NTSR1: variants seen among roughly 807,000 people sequenced by gnomAD.
The protein encoded by NTSR1 is neurotensin receptor 1, also known as neurotensin receptor type 1.
NTSR1 carries 29 observed loss-of-function variants against 31.2 expected under a neutral mutation model. That is an observed-to-expected ratio of 0.93 (90% CI 0.69 to 1.27). The LOEUF is 1.27. Among genes scored for constraint, NTSR1 ranks in the 50% most tolerant of loss-of-function variants. NTSR1 has a pLI of 0.00. For synonymous variants in NTSR1, 282 were observed against 269.9 expected (o/e 1.04, Z -0.44); for missense variants, 697 against 595.4 (o/e 1.17, Z -1.78).
intron 1 of NTSR1, among the ~76,000 whole-genome samples, chr20:62,729,869 T>C (rs182640312): frequency 6.6e-6 from 1 of 152,240 alleles, no homozygotes; most frequent in African/African-American, 2.4e-5. Flanking sequence ...GTGATCTGCC[T>C]GCCTCGGCCT....
chr20:62,749,894 C>T (rs1160927845), intron 1 of NTSR1, among the ~76,000 whole-genome samples: 1 of 152,022 alleles, frequency 6.6e-6, no homozygotes, highest in Non-Finnish European at 1.5e-5. Context: ...GATGGGGGCT[C>T]CTCAAAAAAA....
At position 62,758,778 on chromosome 20, in the gene NTSR1, A is replaced by G. The variant is rs568129391; in HGVS notation, c.1007+422A>G. On this transcript the variant is annotated intron_variant, in intron 3 of 3. Coordinates refer to ENST00000370501, the MANE Select transcript of NTSR1 (RefSeq NM_002531.3). The surrounding 1 kb of genome is among the most constrained non-coding windows in gnomAD (Gnocchi z 4.5). ...GTGACTTATCGCAGCAAGAGCACCA[A>G]TACTGACAAAGCTTTGCTTATACAG... Among the ~76,000 whole-genome samples the G allele has an allele frequency of 1.3e-5, 2 of 152,336 alleles. No individual in the cohort carries two copies. Among genetic ancestry groups the G allele is most frequent in the East Asian group, 3.9e-4 (2 of 5,188 alleles).
intron 1 of NTSR1, among the ~76,000 whole-genome samples, chr20:62,751,760 A>C (rs1989397681): frequency 6.6e-6 from 1 of 152,224 alleles, no homozygotes. Context: ...TGGAGGGTGC[A>C]CGGCTCCCCA....
chr20:62,736,080 C>T (rs144709336), intron 1 of NTSR1, among the ~76,000 whole-genome samples: 140 of 152,348 alleles, frequency 9.2e-4, no homozygotes, highest in African/African-American at 3.2e-3. Flanking sequence ...TCACAAAAGC[C>T]GGGGTATTAG....
At chr20:62,730,968 T>G (rs1988992160) in intron 1 of NTSR1, among the ~76,000 whole-genome samples, 1 of 152,260 alleles carries the variant, frequency 6.6e-6, no homozygotes, top group Admixed American at 6.5e-5. Flanking sequence ...TTATATATTT[T>G]GGATAACACT....
chr20:62,735,170 CA>C (rs1280580835), intron 1 of NTSR1: 3 of 152,786 alleles, frequency 2.0e-5, no homozygotes, highest in African/African-American at 7.2e-5. Context: ...GCCGCCAGCT[CA>C]GTGCCAAAAC....
chr20:62,734,637 G>A (rs1396403039), intron 1 of NTSR1, among the ~76,000 whole-genome samples: 1 of 152,240 alleles, frequency 6.6e-6, no homozygotes, highest in Non-Finnish European at 1.5e-5. Context: ...CCTGTCTAAT[G>A]TGGCAGCCCT....
rs976366588 is a variant in NTSR1, at chr20:62,742,488, C to G, written c.715-12197C>G. Among the ~76,000 whole-genome samples the G allele has an allele frequency of 6.7e-6, 1 of 149,454 alleles. No homozygotes were observed. The highest frequency in any genetic ancestry group is 1.5e-5 in the Non-Finnish European group (1 of 68,008). On this transcript the variant is annotated intron_variant, in intron 1 of 3. Transcript: ENST00000370501. This position sits in a 1 kb window ranked among gnomAD's most constrained non-coding sequence, Gnocchi z 7.1. ...TGCTTAGATGCCTGGGAGGGAGGAC[C>G]GAGGAAAGAGACTGGGGACTGAGGG... is the stretch of plus-strand genomic sequence containing the variant.
chr20:62,709,007 G>A lies in NTSR1; in HGVS notation c.-201G>A, dbSNP rs1361326109. On this transcript the variant is annotated 5_prime_UTR_variant, in exon 1 of 4. Transcript: ENST00000370501. Reference sequence around the variant, plus strand: ...AGGAGCCGGAAGCTGGGAGTCCGGAGGAGAGCGGAGCCCGGAGCCCGGAGC... The same window carrying A: ...AGGAGCCGGAAGCTGGGAGTCCGGAAGAGAGCGGAGCCCGGAGCCCGGAGC... 8.7e-6 allele frequency: 4 copies of A among 458,758 alleles called. No individual in the cohort carries two copies. Among genetic ancestry groups the A allele is most frequent in the African/African-American group, 6.4e-5 (3 of 46,936 alleles). 28.4% of individuals were successfully genotyped at this position (458,758 alleles called of 1,614,324 possible). A position where few individuals can be genotyped will look rare whatever the true frequency, so the allele number is the denominator to read the frequency against.
intron 1 of NTSR1, 67 bp from the exon 2 acceptor site, chr20:62,754,618 G>A (rs1356230859): frequency 5.3e-6 from 7 of 1,314,848 alleles, no homozygotes; most frequent in Admixed American, 1.7e-5. Flanking sequence ...AGCACGGCAG[G>A]CATCCCAGCT....
rs1018298702 is a variant in NTSR1, at chr20:62,715,060, A to C, written c.714+5139A>C. On this transcript the variant is annotated intron_variant, in intron 1 of 3. Transcript: ENST00000370501. This position sits in a 1 kb window ranked among gnomAD's most constrained non-coding sequence, Gnocchi z 4.7. ...CTACAGAGGAGACAAGATTGGTCTT[A>C]AGTCTGTAATCATGGAAAGTGAGTG... 6.6e-6 allele frequency among the ~76,000 whole-genome samples: 1 copy of C among 152,196 alleles called. No homozygotes were observed. The highest frequency in any genetic ancestry group is 2.4e-5 in the African/African-American group (1 of 41,442).
chr20:62,719,317 TGTG>T (rs1389756907), intron 1 of NTSR1, among the ~76,000 whole-genome samples: 1 of 152,188 alleles, frequency 6.6e-6, no homozygotes, highest in Non-Finnish European at 1.5e-5. Context: ...AGTCAGTTAA[TGTG>T]GTGAATTATA....
At chr20:62,747,340 G>T (rs1274398297) in intron 1 of NTSR1, among the ~76,000 whole-genome samples, 1 of 112,354 alleles carries the variant, frequency 8.9e-6, no homozygotes, top group Non-Finnish European at 1.8e-5. Context: ...CAGTGTAAAG[G>T]CCACGTATGA....
At chr20:62,749,212 T>C (rs964164678) in intron 1 of NTSR1, among the ~76,000 whole-genome samples, 3 of 152,026 alleles carry the variant, frequency 2.0e-5, no homozygotes, top group African/African-American at 2.4e-5. Context: ...GAGGCCGAGG[T>C]GGGCGGATCA....
rs746240372 is a variant in NTSR1 at position 62,743,342 on chromosome 20, C to A, written c.715-11343C>A. On this transcript the variant is annotated intron_variant, in intron 1 of 3. Transcript: ENST00000370501. The surrounding 1 kb of genome is among the most constrained non-coding windows in gnomAD (Gnocchi z 7.5). ...AGGGTTTCTGAATTAACTCTGCCATCGTTCCTGGCCTCAGCTGTGGTGGGG... is the reference window on the plus strand; with the variant it reads ...AGGGTTTCTGAATTAACTCTGCCATAGTTCCTGGCCTCAGCTGTGGTGGGG... Among the ~76,000 whole-genome samples, 1 of 136,594 alleles carries A rather than the reference C, an allele frequency of 7.3e-6. No homozygotes were observed. Among genetic ancestry groups the A allele is most frequent in the Non-Finnish European group, 1.5e-5 (1 of 67,578 alleles). 89.6% of individuals were successfully genotyped at this position (136,594 alleles called of 152,430 possible).
rs958507551 is a variant in NTSR1 at position 62,734,000 on chromosome 20, G to A, written c.715-20685G>A. Among the ~76,000 whole-genome samples the A allele has an allele frequency of 2.0e-5, 3 of 152,212 alleles. No individual in the cohort carries two copies. The highest frequency in any genetic ancestry group is 4.4e-5 in the Non-Finnish European group (3 of 68,042). On this transcript the variant is annotated intron_variant, in intron 1 of 3. Coordinates refer to ENST00000370501, the MANE Select transcript of NTSR1 (RefSeq NM_002531.3). The surrounding 1 kb of genome is among the most constrained non-coding windows in gnomAD (Gnocchi z 5.2). ...GTGCTGAGCCAGCCCAGCTTGGAGG[G>A]GGTTTCGTTTCACAGATGAGGAGCC...
chr20:62,754,642 T>A (rs1989448576), intron 1 of NTSR1, 43 bp from the exon 2 acceptor site: 6 of 1,530,374 alleles, frequency 3.9e-6, no homozygotes, highest in Non-Finnish European at 5.4e-6. Flanking sequence ...GGTGCATGAG[T>A]CCCGCTGCTG....
rs975933600 is a variant in NTSR1 at position 62,760,641 on chromosome 20, G to A, written c.*374G>A. 8 of 187,454 alleles carry A rather than the reference G, an allele frequency of 4.3e-5. No homozygotes were observed. Among genetic ancestry groups the A allele is most frequent in the African/African-American group, 1.4e-4 (6 of 42,870 alleles). 11.6% of individuals were successfully genotyped at this position (187,454 alleles called of 1,614,324 possible). On this transcript the variant is annotated 3_prime_UTR_variant, in exon 4 of 4. Transcript: ENST00000370501. ...GAAATGAAAGGTGCTGGGTGGGGCC[G>A]GGCCTCCGGCGGCCCGGCTGCTGTT... is the stretch of plus-strand genomic sequence containing the variant.
intron 1 of NTSR1, among the ~76,000 whole-genome samples, chr20:62,726,099 A>G (rs1490993701): frequency 2.0e-5 from 3 of 152,222 alleles, no homozygotes; most frequent in Non-Finnish European, 2.9e-5. Flanking sequence ...CGCAGCCTCC[A>G]CCGGGTCACC....
Sources: allele counts gnomAD v4.1 joint callset (sites outside exome capture counted in the v4.1 genomes callset), GRCh38; gene constraint gnomAD v4.1.1; non-coding constraint Gnocchi (gnomAD v3.1); transcripts MANE v1.5; gene names NCBI Gene and HGNC (gene_info 2026-07-23, HGNC 2026-07-21).